The following NT5C3A variants were observed in gnomAD, a reference collection of about 807,000 sequenced individuals.
NT5C3A encodes cytosolic 5'-nucleotidase 3A.
In NT5C3A, 23 loss-of-function variants were observed where a neutral mutation model predicts 40.0. The observed-to-expected ratio is 0.58, with a 90% CI of 0.41 to 0.81. NT5C3A has a LOEUF of 0.81. NT5C3A is among the 40% of genes least tolerant of loss of function. The pLI is 0.00. For synonymous variants in NT5C3A, 130 were observed against 141.4 expected, an observed-to-expected ratio of 0.92 and a Z score of 0.57; for missense variants, 328 against 403.0, an observed-to-expected ratio of 0.81 and a Z score of 1.59.
At chr7:33,044,394 T>A (rs964136863) in intron 1 of NT5C3A, among the ~76,000 whole-genome samples, 2 of 12,332 alleles carry the variant, frequency 1.6e-4, no homozygotes, top group African/African-American at 5.0e-4. Context: ...CTTAAAAAAA[T>A]TTTTTTTGAG....
intron 1 of NT5C3A, among the ~76,000 whole-genome samples, chr7:33,059,040 T>C (rs771677484): frequency 3.0e-4 from 46 of 152,210 alleles, no homozygotes; most frequent in Admixed American, 3.3e-4. Context: ...CATTTCCTGT[T>C]ATTCCACCTC....
intron 1 of NT5C3A, among the ~76,000 whole-genome samples, chr7:33,040,377 T>C (rs1216989729): frequency 6.6e-6 from 1 of 152,224 alleles, no homozygotes. Flanking sequence ...TATCAATTCA[T>C]AAAACATACC....
chr7:33,025,103 C>T (rs1463393413), intron 2 of NT5C3A, among the ~76,000 whole-genome samples: 3 of 152,116 alleles, frequency 2.0e-5, no homozygotes, highest in Admixed American at 2.0e-4. Flanking sequence ...CATGCCACTA[C>T]ACTCCAACCT....
chr7:33,016,936 A>G (rs1785364127), intron 7 of NT5C3A, among the ~76,000 whole-genome samples: 1 of 152,042 alleles, frequency 6.6e-6, no homozygotes, highest in African/African-American at 2.4e-5. Flanking sequence ...TAATCCCAGC[A>G]CTTTGGGAGG....
At chr7:33,015,239 T>C (rs896704983) in intron 8 of NT5C3A, among the ~76,000 whole-genome samples, 18 of 152,142 alleles carry the variant, frequency 1.2e-4, no homozygotes, top group African/African-American at 3.4e-4. Flanking sequence ...TTTTTAAACA[T>C]CACCAGTATA....
At chr7:33,049,736 G>A (rs1162497560) in intron 1 of NT5C3A, among the ~76,000 whole-genome samples, 3 of 152,086 alleles carry the variant, frequency 2.0e-5, no homozygotes, top group East Asian at 1.9e-4. Flanking sequence ...TTGGGAGACC[G>A]AGACAGGCAG....
intron 1 of NT5C3A, among the ~76,000 whole-genome samples, chr7:33,056,508 A>T (rs1244743234): frequency 7.5e-6 from 1 of 134,190 alleles, no homozygotes. Flanking sequence ...AAAAAAAAAA[A>T]AAAAAAAATT....
chr7:33,060,381 T>C (rs1787731686), intron 1 of NT5C3A, among the ~76,000 whole-genome samples: 1 of 143,300 alleles, frequency 7.0e-6, no homozygotes, highest in Non-Finnish European at 1.5e-5. Flanking sequence ...TTTTTTTTTT[T>C]TTTTTTTTTT....
intron 1 of NT5C3A, among the ~76,000 whole-genome samples, chr7:33,043,510 T>C (rs1211061431): frequency 6.6e-6 from 1 of 152,222 alleles, no homozygotes; most frequent in Non-Finnish European, 1.5e-5. Flanking sequence ...TGAAACAATG[T>C]TTCTAATGGA....
At chr7:33,022,214 C>A in intron 3 of NT5C3A, 115 bp from the exon 4 acceptor site, 1 of 668,714 alleles carries the variant, frequency 1.5e-6, no homozygotes, top group Admixed American at 2.2e-5. Flanking sequence ...TTGCACCAAC[C>A]CAATACTTTT....
intron 1 of NT5C3A, chr7:33,039,029 T>A: frequency 2.5e-6 from 1 of 403,780 alleles, no homozygotes; most frequent in Admixed American, 2.9e-5. Context: ...GTGCTTTTTG[T>A]ATGAGATTAA....
chr7:33,016,152 G>C (rs1785314462), intron 7 of NT5C3A, among the ~76,000 whole-genome samples: 1 of 152,014 alleles, frequency 6.6e-6, no homozygotes, highest in Admixed American at 6.6e-5. Context: ...AAGGAGGACA[G>C]ATCACTCAAG....
chr7:33,040,929 T>G, intron 1 of NT5C3A: 1 of 985,410 alleles, frequency 1.0e-6, no homozygotes, highest in Non-Finnish European at 1.2e-6. Context: ...GTCTGAGAAG[T>G]ACTAATATAG....
At chr7:33,020,032 G>A (rs987038555) in intron 5 of NT5C3A, among the ~76,000 whole-genome samples, 92 of 152,150 alleles carry the variant, frequency 6.0e-4, no homozygotes, top group African/African-American at 2.2e-3. Flanking sequence ...ACCTATGGAA[G>A]CATAATCCTT....
intron 1 of NT5C3A, among the ~76,000 whole-genome samples, chr7:33,044,943 A>G (rs1194879178): frequency 6.6e-6 from 1 of 152,240 alleles, no homozygotes; most frequent in Non-Finnish European, 1.5e-5. Context: ...TTGCATGTAA[A>G]AGAAATCACA....
intron 7 of NT5C3A, among the ~76,000 whole-genome samples, chr7:33,016,495 C>T (rs1273000267): frequency 6.7e-6 from 1 of 150,090 alleles, no homozygotes; most frequent in African/African-American, 2.5e-5. Flanking sequence ...ATGGTGAAAC[C>T]CTGTCTCTAT....
chr7:33,026,353 G>GAAAAAAAAAAAAAAAAAAAAAAAAAAA (rs1226260693), intron 2 of NT5C3A, among the ~76,000 whole-genome samples: 1 of 94,156 alleles, frequency 1.1e-5, no homozygotes, highest in Non-Finnish European at 1.9e-5. Flanking sequence ...CATCTCAAAA[G>GAAAAAAAAAAAAAAAAAAAAAAAAAAA]AAAAAAAAAA....
chr7:33,045,000 A>G (rs1304114211), intron 1 of NT5C3A, among the ~76,000 whole-genome samples: 1 of 152,230 alleles, frequency 6.6e-6, no homozygotes, highest in Non-Finnish European at 1.5e-5. Context: ...ACTTCTCAAC[A>G]ATACAATCTA....
chr7:33,017,364 G>A lies in NT5C3A; in HGVS notation c.693+75C>T, dbSNP rs1204730584. 4 of 1,209,344 alleles carry A rather than the reference G, an allele frequency of 3.3e-6. No individual in the cohort carries two copies. The African/African-American group carries it at 6.1e-5, about 18-fold the overall frequency. 74.9% of individuals were successfully genotyped at this position (1,209,344 alleles called of 1,614,324 possible). A position where few individuals can be genotyped will look rare whatever the true frequency, so the allele number is the denominator to read the frequency against. ...TTTCTGGATATAGGATATATATTAA[G>A]TAACAATAAATAAATTTACATGATT... On this transcript the variant is annotated intron_variant, in intron 7 of 8. Transcript: ENST00000610140.
Sources: allele counts gnomAD v4.1 joint callset (sites outside exome capture counted in the v4.1 genomes callset), GRCh38; gene constraint gnomAD v4.1.1; transcripts MANE v1.5; gene names NCBI Gene and HGNC (gene_info 2026-07-23, HGNC 2026-07-21).